NWD1: variants seen among roughly 807,000 people sequenced by gnomAD.
NWD1 encodes NACHT and WD repeat domain containing 1.
NWD1 carries 129 observed loss-of-function variants against 135.1 expected under a neutral mutation model. That is an observed-to-expected ratio of 0.96 (90% CI 0.83 to 1.11). The LOEUF (loss-of-function observed/expected upper bound fraction) is 1.11. Among genes scored for constraint, NWD1 ranks in the 50% least tolerant of loss-of-function variants. The pLI is 0.00. For synonymous variants in NWD1, 773 were observed against 786.0 expected (o/e 0.98, Z 0.28); for missense variants, 1,740 against 1,851.3 (o/e 0.94, Z 1.10).
intron 6 of NWD1, among the ~76,000 whole-genome samples, chr19:16,751,486 AAGGAAGGAAGGAAGGG>A (rs1968577365): frequency 6.9e-6 from 1 of 144,654 alleles, no homozygotes; most frequent in Non-Finnish European, 1.5e-5. Flanking sequence ...AAGAGAAAGG[AAGGAAGGAAGGAAGGG>A]AGGAAGGAAG....
At chr19:16,760,982 C>G (rs1437999115) in intron 7 of NWD1, among the ~76,000 whole-genome samples, 1 of 152,156 alleles carries the variant, frequency 6.6e-6, no homozygotes, top group African/African-American at 2.4e-5. Context: ...TTTCATCTCC[C>G]CAAAAGGAGA....
intron 2 of NWD1, among the ~76,000 whole-genome samples, chr19:16,729,706 TA>T: frequency 6.6e-6 from 1 of 151,518 alleles, no homozygotes; most frequent in East Asian, 1.9e-4. Flanking sequence ...CCGTCTCTAC[TA>T]AAAATACAAA....
At chr19:16,795,440 C>T (rs1275523000) in intron 15 of NWD1, among the ~76,000 whole-genome samples, 6 of 148,020 alleles carry the variant, frequency 4.1e-5, no homozygotes, top group African/African-American at 1.3e-4. Context: ...TTTTTGAGAC[C>T]GAGTCTCGCT....
At chr19:16,759,123 A>G in intron 6 of NWD1, 102 bp from the exon 7 acceptor site, 2 of 907,476 alleles carry the variant, frequency 2.2e-6, no homozygotes, top group Non-Finnish European at 3.6e-6. Flanking sequence ...GATGTGCTGG[A>G]CACCGCGCGG....
At chr19:16,760,496 G>C (rs1968969292) in intron 7 of NWD1, among the ~76,000 whole-genome samples, 1 of 152,028 alleles carries the variant, frequency 6.6e-6, no homozygotes, top group Admixed American at 6.6e-5. Context: ...CTGGGCTCAA[G>C]AGACACACCC....
intron 5 of NWD1, among the ~76,000 whole-genome samples, chr19:16,746,464 G>A (rs545312169): frequency 9.2e-5 from 14 of 152,030 alleles, no homozygotes; most frequent in African/African-American, 3.4e-4. Context: ...CACGAGGTCA[G>A]GAGTTCAAGA....
intron 10 of NWD1, among the ~76,000 whole-genome samples, chr19:16,769,185 G>T (rs535874294): frequency 6.6e-6 from 1 of 152,118 alleles, no homozygotes; most frequent in Non-Finnish European, 1.5e-5. Flanking sequence ...CAGATGGCCA[G>T]GTGTGGTGGC....
At chr19:16,748,132 C>A (rs147170721) in intron 5 of NWD1, among the ~76,000 whole-genome samples, 3 of 151,976 alleles carry the variant, frequency 2.0e-5, no homozygotes. Context: ...TACAGGCGTG[C>A]GGCATCACGC....
At chr19:16,777,044 T>G (rs1339121329) in intron 11 of NWD1, among the ~76,000 whole-genome samples, 4 of 39,606 alleles carry the variant, frequency 1.0e-4, no homozygotes, top group African/African-American at 2.3e-4. Flanking sequence ...GAAAGGGAAC[T>G]GGAGGGAAGA....
At chr19:16,736,209 T>C (rs73008546) in intron 3 of NWD1, among the ~76,000 whole-genome samples, 3,881 of 116,766 alleles carry the variant, frequency 0.033, 80 homozygotes, top group Middle Eastern at 0.048. Context: ...TCCTTCCTTC[T>C]TTCCTTCCTT....
chr19:16,768,838 A>T (rs1017730686), intron 10 of NWD1, among the ~76,000 whole-genome samples: 1 of 152,224 alleles, frequency 6.6e-6, no homozygotes, highest in Non-Finnish European at 1.5e-5. Flanking sequence ...AAGGATGACC[A>T]GTGGCCTGTG....
Position 16,791,597 on chromosome 19 carries a change from G to T in NWD1, c.3188G>T (p.Gly1063Val). ...CAGAAGCAAGGAAAGCTTGTTACCG[G>T]GTTTAGCAATGGCTCCATCTCTTTG... Reference protein sequence around the residue: ...SVQKQGKLVTGFSNGSISLVS... With the variant: ...SVQKQGKLVTVFSNGSISLVS... The change falls in exon 14 of 19, where the codon GGG becomes GTG. Residue 1063 changes from glycine (G) to valine (V), a missense_variant. Transcript: ENST00000524140. 1 of 1,614,150 alleles carries T rather than the reference G, an allele frequency of 6.2e-7. No individual in the cohort carries two copies. The highest frequency in any genetic ancestry group is 8.5e-7 in the Non-Finnish European group (1 of 1,180,022).
intron 6 of NWD1, among the ~76,000 whole-genome samples, chr19:16,756,101 A>G (rs1056939686): frequency 6.6e-6 from 1 of 152,132 alleles, no homozygotes; most frequent in Non-Finnish European, 1.5e-5. Flanking sequence ...AAAATCATAA[A>G]GGGGGGCTGG....
rs201898485 is a variant in NWD1, at chr19:16,794,549, C to T, written c.3300C>T (p.Ala1100=). 1.9e-5 allele frequency: 31 copies of T among 1,597,190 alleles called. No homozygotes were observed. Among genetic ancestry groups the T allele is most frequent in the South Asian group, 1.1e-4 (10 of 89,250 alleles). ...LVVSEDESLL[A]AGFGRSVRIF... ...TCTCTGAAGATGAGTCCCTCCTCGC[C>T]GCAGGTAGCGTTTAGCTCTCATTTG... Residue 1100 remains alanine (A), a synonymous_variant, in exon 15 of 19, where the codon GCC becomes GCT. Transcript: ENST00000524140.
chr19:16,749,842 C>T lies in NWD1; in HGVS notation c.1200C>T (p.Pro400=). 6.2e-7 allele frequency: 1 copy of T among 1,612,004 alleles called. No homozygotes were observed. Among genetic ancestry groups the T allele is most frequent in the Middle Eastern group, 1.7e-4 (1 of 6,058 alleles). ...AGGTGTGCCTGGCCTATGGGCTGCC[C>T]TTGCCCCCTGCCCAGGTTCTGGACG... ...CFQVCLAYGL[P]LPPAQVLDAH... is the part of the protein sequence containing the mutation. Residue 400 remains proline (P), a synonymous_variant, in exon 6 of 19, where the codon CCC becomes CCT. Transcript: ENST00000524140.
chr19:16,800,431 G>A (rs932062935), intron 17 of NWD1, among the ~76,000 whole-genome samples: 5 of 69,696 alleles, frequency 7.2e-5, no homozygotes, highest in Non-Finnish European at 1.1e-4. Flanking sequence ...CTACTTGCGA[G>A]GCTGAGGCAG....
intron 6 of NWD1, among the ~76,000 whole-genome samples, chr19:16,756,008 C>T (rs1008371690): frequency 2.6e-5 from 4 of 151,988 alleles, no homozygotes; most frequent in Non-Finnish European, 4.4e-5. Context: ...AAATGGTCGA[C>T]GAACATGTAT....
intron 6 of NWD1, among the ~76,000 whole-genome samples, chr19:16,750,855 T>C (rs1968548800): frequency 6.6e-6 from 1 of 152,132 alleles, no homozygotes; most frequent in African/African-American, 2.4e-5. Flanking sequence ...GGAAAATAAA[T>C]ACACACATGT....
intron 7 of NWD1, among the ~76,000 whole-genome samples, chr19:16,760,734 G>A (rs1211298450): frequency 6.6e-6 from 1 of 152,070 alleles, no homozygotes; most frequent in African/African-American, 2.4e-5. Flanking sequence ...AGGTTTACAA[G>A]CATGAGCCAC....
Sources: allele counts gnomAD v4.1 joint callset (sites outside exome capture counted in the v4.1 genomes callset), GRCh38; gene constraint gnomAD v4.1.1; transcripts MANE v1.5; gene names NCBI Gene and HGNC (gene_info 2026-07-23, HGNC 2026-07-21).